Variants in SLC24A3 observed in about 807,000 individuals in gnomAD.
The protein encoded by SLC24A3 is sodium/potassium/calcium exchanger 3.
A neutral mutation model predicts 75.8 loss-of-function variants in SLC24A3; 28 were observed. The observed-to-expected ratio is 0.37, with a 90% CI of 0.27 to 0.51. SLC24A3 has a LOEUF of 0.51. Ranked by LOEUF, SLC24A3 falls within the 20% of genes least tolerant of loss-of-function variation. SLC24A3 has a pLI of 0.94. For synonymous variants in SLC24A3, 372 were observed against 334.1 expected (o/e 1.11, Z -1.24); for missense variants, 663 against 847.8 (o/e 0.78, Z 2.71).
In SLC24A3 at chr20:19,248,833, GT is replaced by G. The variant is rs369527132; in HGVS notation, c.143-32124del. ...TGTTCAGACTTGAAAGATGATGTCA[GT>G]TGTGACAACATGGATGAACCTAGAG... On this transcript the variant is annotated intron_variant, in intron 1 of 16. Transcript: ENST00000328041. 4.2e-3 allele frequency among the ~76,000 whole-genome samples: 637 copies of G among 151,688 alleles called. 7 individuals carry two copies. Among genetic ancestry groups the G allele is most frequent in the African/African-American group, 0.015 (617 of 41,304 alleles).
chr20:19,634,790 G>A (rs1358173368), intron 6 of SLC24A3, among the ~76,000 whole-genome samples: 1 of 152,088 alleles, frequency 6.6e-6, no homozygotes, highest in African/African-American at 2.4e-5. Context: ...TTTCTGTGTG[G>A]TAGAAATGCT....
At chr20:19,218,845 T>G (rs956069317) in intron 1 of SLC24A3, among the ~76,000 whole-genome samples, 2 of 152,166 alleles carry the variant, frequency 1.3e-5, no homozygotes, top group Non-Finnish European at 2.9e-5. Context: ...TTCTTTTCCT[T>G]GAGTGAAAGA....
intron 12 of SLC24A3, among the ~76,000 whole-genome samples, chr20:19,690,731 C>T (rs974200001): frequency 1.3e-5 from 2 of 152,066 alleles, no homozygotes; most frequent in Admixed American, 1.3e-4. Context: ...AAGCCCCTCT[C>T]CAAACAACTC....
intron 6 of SLC24A3, among the ~76,000 whole-genome samples, chr20:19,617,423 C>T (rs563926491): frequency 1.2e-4 from 18 of 152,294 alleles, no homozygotes; most frequent in African/African-American, 2.9e-4. Flanking sequence ...GCCCTTCTCC[C>T]GCTGCCTCTA....
chr20:19,511,218 A>G (rs1429100632), intron 2 of SLC24A3, among the ~76,000 whole-genome samples: 1 of 152,148 alleles, frequency 6.6e-6, no homozygotes, highest in East Asian at 1.9e-4. Context: ...CTGTCATTCA[A>G]ATCTTTCTCT....
At chr20:19,569,704 G>A (rs889906741) in intron 3 of SLC24A3, among the ~76,000 whole-genome samples, 2 of 151,712 alleles carry the variant, frequency 1.3e-5, no homozygotes, top group Admixed American at 6.6e-5. Context: ...AGGGTCTGGC[G>A]GCAGCTGCTT....
chr20:19,433,871 A>G (rs6046093), intron 2 of SLC24A3, among the ~76,000 whole-genome samples: 4,169 of 152,204 alleles, frequency 0.027, 167 homozygotes, highest in East Asian at 0.1. Context: ...TAGGTTTTTG[A>G]CACCTGGCCC....
At chr20:19,593,881 T>C (rs2031415795) in intron 6 of SLC24A3, among the ~76,000 whole-genome samples, 1 of 152,194 alleles carries the variant, frequency 6.6e-6, no homozygotes, top group South Asian at 2.1e-4. Flanking sequence ...TCTTCCGCAC[T>C]GCTGCAACAT....
intron 6 of SLC24A3, among the ~76,000 whole-genome samples, chr20:19,586,983 C>A (rs551192045): frequency 2.0e-4 from 31 of 152,304 alleles, no homozygotes; most frequent in Non-Finnish European, 3.8e-4. Flanking sequence ...TGAGTCTCTG[C>A]CTTTGCCTTT....
intron 14 of SLC24A3, 23 bp from the exon 15 acceptor site, chr20:19,698,545 T>C: frequency 6.4e-7 from 1 of 1,553,400 alleles, no homozygotes. Context: ...TTCCCTCTCT[T>C]AAGTGACCTC....
In SLC24A3 at chr20:19,722,357, G is replaced by A. The variant is rs2033113210; in HGVS notation, c.*1217G>A. The A allele has an allele frequency of 6.5e-6, 1 of 152,718 alleles. No individual in the cohort carries two copies. Among genetic ancestry groups the A allele is most frequent in the South Asian group, 2.1e-4 (1 of 4,830 alleles). 9.5% of individuals were successfully genotyped at this position (152,718 alleles called of 1,614,324 possible). ...AGCTGCACCCCTCCCTTCCTGGAGG[G>A]ATGGCCAGGGAAGGAGAAAACAGAG... is the stretch of plus-strand genomic sequence containing the variant. On this transcript the variant is annotated 3_prime_UTR_variant, in exon 17 of 17. Transcript: ENST00000328041.
chr20:19,671,115 C>T (rs923210634), intron 8 of SLC24A3, among the ~76,000 whole-genome samples: 5 of 152,086 alleles, frequency 3.3e-5, no homozygotes, highest in African/African-American at 1.2e-4. Flanking sequence ...CAGGGGCAGG[C>T]AGGGAAGATT....
At chr20:19,528,422 T>C (rs768910971) in intron 3 of SLC24A3, among the ~76,000 whole-genome samples, 2 of 152,192 alleles carry the variant, frequency 1.3e-5, no homozygotes, top group Admixed American at 6.5e-5. Flanking sequence ...CCTAAGATGC[T>C]TCACCATTTC....
intron 6 of SLC24A3, among the ~76,000 whole-genome samples, chr20:19,637,256 G>A (rs549855576): frequency 8.5e-5 from 13 of 152,348 alleles, no homozygotes; most frequent in South Asian, 2.1e-4. Flanking sequence ...AGCCAAGATC[G>A]TGCCACTGCA....
At chr20:19,259,990 C>T (rs1001618806) in intron 1 of SLC24A3, among the ~76,000 whole-genome samples, 2 of 152,146 alleles carry the variant, frequency 1.3e-5, no homozygotes, top group African/African-American at 2.4e-5. Context: ...AAAAAGAATC[C>T]GTATGCCCTG....
intron 2 of SLC24A3, among the ~76,000 whole-genome samples, chr20:19,422,867 G>A (rs2122439136): frequency 6.6e-6 from 1 of 152,326 alleles, no homozygotes; most frequent in African/African-American, 2.4e-5. Flanking sequence ...GGATGTGTGA[G>A]TGAGCCCTTT....
rs1030349905 is a variant in SLC24A3 at position 19,722,655 on chromosome 20, T to A, written c.*1515T>A. 2 of 152,688 alleles carry A rather than the reference T, an allele frequency of 1.3e-5. No homozygotes were observed. Among genetic ancestry groups the A allele is most frequent in the African/African-American group, 4.8e-5 (2 of 41,458 alleles). The allele number at this position is 152,688 out of a possible 1,614,324, so 9.5% of individuals were successfully genotyped here. A position where few individuals can be genotyped will look rare whatever the true frequency, so the allele number is the denominator to read the frequency against. On this transcript the variant is annotated 3_prime_UTR_variant, in exon 17 of 17. Coordinates refer to ENST00000328041, the MANE Select transcript of SLC24A3 (RefSeq NM_020689.4). ...ATTCGGTATGGTTTTCCCTGTCCCT[T>A]GTACACATTCTGGTATGAATTTGTA... is the stretch of plus-strand genomic sequence containing the variant.
At chr20:19,625,435 C>T (rs950618850) in intron 6 of SLC24A3, among the ~76,000 whole-genome samples, 2 of 152,188 alleles carry the variant, frequency 1.3e-5, no homozygotes, top group Admixed American at 6.5e-5. Flanking sequence ...GACATCTTTG[C>T]TTGCCCTGTC....
intron 2 of SLC24A3, among the ~76,000 whole-genome samples, chr20:19,498,080 G>A (rs530377064): frequency 3.3e-4 from 50 of 152,188 alleles, no homozygotes; most frequent in African/African-American, 1.2e-3. Context: ...GTTGTGAACT[G>A]CACATGCGAG....
Sources: allele counts gnomAD v4.1 joint callset (sites outside exome capture counted in the v4.1 genomes callset), GRCh38; gene constraint gnomAD v4.1.1; transcripts MANE v1.5; gene names NCBI Gene and HGNC (gene_info 2026-07-23, HGNC 2026-07-21).